BAZ2B: variants seen among roughly 807,000 people sequenced by gnomAD.
BAZ2B encodes bromodomain adjacent to zinc finger domain protein 2B.
Under a neutral mutation model 246.0 loss-of-function variants are expected in BAZ2B, and 91 were observed. The observed-to-expected ratio is 0.37, with a 90% CI of 0.31 to 0.44. The LOEUF is 0.44. Ranked by LOEUF, BAZ2B falls within the 20% of genes least tolerant of loss-of-function variation. The probability of loss-of-function intolerance (pLI) is 1.00; values close to 1 mark genes in which losing one functional copy is unlikely to be tolerated. For synonymous variants in BAZ2B, 855 were observed against 860.0 expected (o/e 0.99, Z 0.10); for missense variants, 2,332 against 2,533.7 (o/e 0.92, Z 1.71).
chr2:159,390,606 G>C (rs2063213323), intron 20 of BAZ2B, among the ~76,000 whole-genome samples: 1 of 152,084 alleles, frequency 6.6e-6, no homozygotes, highest in African/African-American at 2.4e-5. Flanking sequence ...ACTGCTGCTG[G>C]AGGGAAGGCC....
chr2:159,341,467 C>G (rs1369825626), intron 31 of BAZ2B, among the ~76,000 whole-genome samples: 1 of 152,132 alleles, frequency 6.6e-6, no homozygotes, highest in Non-Finnish European at 1.5e-5. Flanking sequence ...CAGCATTGGA[C>G]AGATTTTCTA....
At chr2:159,672,941 CTT>C in the BAZ2B span, among the ~76,000 whole-genome samples, 3 of 152,032 alleles carry the variant, frequency 2.0e-5, no homozygotes, top group African/African-American at 7.2e-5. Context: ...TTCCTTATAA[CTT>C]AGGTATTGAG....
At chr2:159,379,514 A>G (rs2061754855) in intron 25 of BAZ2B, among the ~76,000 whole-genome samples, 1 of 152,224 alleles carries the variant, frequency 6.6e-6, no homozygotes, top group Admixed American at 6.5e-5. Context: ...AAATTAACAA[A>G]AAAGAAAAGT....
At chr2:159,660,949 C>A in the BAZ2B span, among the ~76,000 whole-genome samples, 1 of 152,078 alleles carries the variant, frequency 6.6e-6, no homozygotes, top group Non-Finnish European at 1.5e-5. Context: ...AATTGATATA[C>A]AAAATACACA....
At chr2:159,427,831 T>C in intron 13 of BAZ2B, 110 bp downstream of exon 13, 1 of 804,500 alleles carries the variant, frequency 1.2e-6, no homozygotes, top group Non-Finnish European at 2.0e-6. Flanking sequence ...TGTATAGCCA[T>C]ATGAACTAAT....
intron 2 of BAZ2B, among the ~76,000 whole-genome samples, chr2:159,507,281 G>C (rs758440062): frequency 6.2e-4 from 95 of 152,004 alleles, no homozygotes; most frequent in Middle Eastern, 3.4e-3. Flanking sequence ...GAAGAAATAG[G>C]CTCCAGAAAA....
intron 26 of BAZ2B, among the ~76,000 whole-genome samples, chr2:159,374,147 C>T (rs1225819163): frequency 2.7e-5 from 4 of 148,964 alleles, no homozygotes; most frequent in Non-Finnish European, 5.9e-5. Context: ...TGGGCTCAAA[C>T]GATCCTCTCA....
chr2:159,512,470 A>G (rs144279802), intron 2 of BAZ2B, among the ~76,000 whole-genome samples: 77 of 152,312 alleles, frequency 5.1e-4, no homozygotes, highest in African/African-American at 1.8e-3. Context: ...GTTTTCCAGT[A>G]AGAAACATAG....
At chr2:159,463,006 T>C in intron 3 of BAZ2B, 1 of 775,414 alleles carries the variant, frequency 1.3e-6, no homozygotes, top group Non-Finnish European at 2.3e-6. Context: ...ACTCTGCTAT[T>C]ACCCAGGTCC....
intron 4 of BAZ2B, among the ~76,000 whole-genome samples, chr2:159,450,058 T>C (rs879541513): frequency 6.6e-6 from 1 of 152,178 alleles, no homozygotes; most frequent in African/African-American, 2.4e-5. Flanking sequence ...AAGATATTTA[T>C]ATAATTTAAC....
chr2:159,623,406 A>AAAGAAATGCCCAAGGGCATTTAAGGGG, the BAZ2B span, among the ~76,000 whole-genome samples: 74 of 152,308 alleles, frequency 4.9e-4, no homozygotes, highest in African/African-American at 1.6e-3. Flanking sequence ...ACACACACAA[A>AAAGAAATGCCCAAGGGCATTTAAGGGG]AAGAAATGCC....
intron 14 of BAZ2B, among the ~76,000 whole-genome samples, chr2:159,408,305 C>A (rs1291804113): frequency 2.0e-5 from 3 of 152,106 alleles, no homozygotes; most frequent in Admixed American, 6.5e-5. Flanking sequence ...CCTGAATAAC[C>A]AGGACTATAG....
chr2:159,581,125 C>A (rs1473538395), intron 1 of BAZ2B, among the ~76,000 whole-genome samples: 1 of 152,066 alleles, frequency 6.6e-6, no homozygotes, highest in Non-Finnish European at 1.5e-5. Context: ...TCAGAGTGAA[C>A]AGGCAACCTA....
the BAZ2B span, among the ~76,000 whole-genome samples, chr2:159,623,382 A>C: frequency 1.3e-5 from 2 of 152,158 alleles, no homozygotes; most frequent in Non-Finnish European, 2.9e-5. Context: ...AAAAAACAAA[A>C]AACAAAAAAC....
chr2:159,525,990 G>A (rs2084688430), intron 2 of BAZ2B, among the ~76,000 whole-genome samples: 1 of 152,058 alleles, frequency 6.6e-6, no homozygotes, highest in Non-Finnish European at 1.5e-5. Flanking sequence ...TGCAATAGTT[G>A]GTCTCCTGAG....
chr2:159,674,072 G>C, the BAZ2B span, among the ~76,000 whole-genome samples: 1 of 152,048 alleles, frequency 6.6e-6, no homozygotes, highest in Non-Finnish European at 1.5e-5. Flanking sequence ...GTCAGATGCA[G>C]TGGCTGATAC....
chr2:159,634,040 A>G, the BAZ2B span, among the ~76,000 whole-genome samples: 1 of 152,272 alleles, frequency 6.6e-6, no homozygotes. Context: ...GTGCCCAGCC[A>G]TATTTTCACT....
chr2:159,333,705 C>T (rs2065155648), intron 33 of BAZ2B, among the ~76,000 whole-genome samples: 1 of 152,076 alleles, frequency 6.6e-6, no homozygotes, highest in African/African-American at 2.4e-5. Flanking sequence ...CTTAACTGTT[C>T]CAACTTACTT....
chr2:159,695,456 G>A, the BAZ2B span: 1 of 151,474 alleles, frequency 6.6e-6, no homozygotes. Context: ...CTGAGGTCAA[G>A]AATACTTACA....
Sources: allele counts gnomAD v4.1 joint callset (sites outside exome capture counted in the v4.1 genomes callset), GRCh38; gene constraint gnomAD v4.1.1; transcripts MANE v1.5; gene names NCBI Gene and HGNC (gene_info 2026-07-23, HGNC 2026-07-21).